The following ABCA1 variants were observed in gnomAD, a reference collection of about 807,000 sequenced individuals.
ABCA1 encodes the protein ATP binding cassette subfamily A member 1.
A neutral mutation model predicts 262.5 loss-of-function variants in ABCA1; 133 were observed. That is an observed-to-expected ratio of 0.51 (90% CI 0.44 to 0.59). The LOEUF (loss-of-function observed/expected upper bound fraction) is 0.59, where lower values mean the gene tolerates loss of function less well. Ranked by LOEUF, ABCA1 falls within the 20% of genes least tolerant of loss-of-function variation. ABCA1 has a pLI of 0.00. For missense variants in ABCA1, 2,452 were observed against 2,777.5 expected, an observed-to-expected ratio of 0.88 and a Z score of 2.63; for synonymous variants, 1,022 against 1,043.5, an observed-to-expected ratio of 0.98 and a Z score of 0.40.
intron 5 of ABCA1, among the ~76,000 whole-genome samples, chr9:104,876,422 T>C (rs1270589453): frequency 1.3e-5 from 2 of 152,084 alleles, no homozygotes; most frequent in Admixed American, 1.3e-4. Context: ...TCCCAACCAC[T>C]GCAAGGAGGT....
At position 104,817,799 on chromosome 9, in the gene ABCA1, G is replaced by A. The variant is rs375024801; in HGVS notation, c.3463-395C>T. On this transcript the variant is annotated intron_variant, in intron 23 of 49. Transcript: ENST00000374736. The surrounding 1 kb of genome is among the most constrained non-coding windows in gnomAD (Gnocchi z 4.7). Reference sequence around the variant, plus strand: ...AAAATGCACAGATTCTGATTCGGTAGGTCTGAGCTGGGCCCAGGTTGCTGA... The same window carrying A: ...AAAATGCACAGATTCTGATTCGGTAAGTCTGAGCTGGGCCCAGGTTGCTGA... Among the ~76,000 whole-genome samples the A allele has an allele frequency of 6.6e-6, 1 of 152,208 alleles. No homozygotes were observed. Among genetic ancestry groups the A allele is most frequent in the African/African-American group, 2.4e-5 (1 of 41,454 alleles).
chr9:104,837,030 G>A lies in ABCA1; in HGVS notation c.1261C>T (p.Pro421Ser). 2 of 1,614,084 alleles carry A rather than the reference G, an allele frequency of 1.2e-6. No individual in the cohort carries two copies. The highest frequency in any genetic ancestry group is 1.7e-6 in the Non-Finnish European group (2 of 1,180,020). Residue 421 changes from proline to serine, a missense_variant, in exon 11 of 50, where the codon CCC becomes TCC. By Grantham distance (74) the Pro-to-Ser change is moderately conservative. Around this residue, in one of 4 missense-constraint regions of ABCA1, gnomAD observed 1,032 missense variants for 1,089.7 expected, o/e 0.95. Transcript: ENST00000374736. ...TTCTCCATGAAGGTCCAGATCTTGG[G>A]GCTGAGTTCCTCCCACATGCCTTCC... ...DLEGMWEELS[P>S]KIWTFMENSQ... is the part of the protein sequence containing the mutation.
intron 5 of ABCA1, among the ~76,000 whole-genome samples, chr9:104,863,446 T>A (rs1335097936): frequency 6.6e-6 from 1 of 152,106 alleles, no homozygotes; most frequent in Non-Finnish European, 1.5e-5. Context: ...ACTGAAATCA[T>A]TTACCAGAAG....
intron 30 of ABCA1, among the ~76,000 whole-genome samples, 172 bp downstream of exon 30, chr9:104,809,294 A>G (rs952258151): frequency 3.7e-4 from 56 of 152,284 alleles, no homozygotes; most frequent in Non-Finnish European, 1.6e-4. Context: ...GTTTGTTCCT[A>G]GATAATTTAG....
At chr9:104,869,423 G>A (rs1237267465) in intron 5 of ABCA1, among the ~76,000 whole-genome samples, 1 of 152,166 alleles carries the variant, frequency 6.6e-6, no homozygotes, top group Non-Finnish European at 1.5e-5. Flanking sequence ...AGCTTGTCCA[G>A]CCTTACAAAT....
intron 3 of ABCA1, among the ~76,000 whole-genome samples, chr9:104,885,015 C>A (rs562843611): frequency 6.6e-6 from 1 of 152,176 alleles, no homozygotes; most frequent in Non-Finnish European, 1.5e-5. Flanking sequence ...GTGGGCGGAT[C>A]ACCTGAGGTC....
chr9:104,861,871 G>GA (rs1189119265), intron 5 of ABCA1, 71 bp from the exon 6 acceptor site: 2 of 1,367,872 alleles, frequency 1.5e-6, no homozygotes, highest in South Asian at 1.2e-5. Flanking sequence ...GGCACAATGG[G>GA]ACAGTGGAGA....
rs764020207 is a variant in ABCA1 at position 104,830,964 on chromosome 9, T to C, written c.1853A>G (p.Tyr618Cys). The C allele has an allele frequency of 4.3e-6, 7 of 1,613,792 alleles. No individual in the cohort carries two copies. The highest frequency in any genetic ancestry group is 1.1e-5 in the South Asian group (1 of 91,044). Residue 618 changes from tyrosine to cysteine, a missense_variant, in exon 14 of 50, where the codon TAT becomes TGT. Around this residue, in one of 4 missense-constraint regions of ABCA1, gnomAD observed 1,032 missense variants for 1,089.7 expected, o/e 0.95. Transcript: ENST00000374736. Reference sequence around the variant, plus strand: ...ACAGGGATAGGGCATCTGTTGCATATAGACACCAGTTTTCTTCTCGGTGCC... The same window carrying C: ...ACAGGGATAGGGCATCTGTTGCATACAGACACCAGTTTTCTTCTCGGTGCC... ...LTGTEKKTGV[Y>C]MQQMPYPCYV...
Position 104,790,957 on chromosome 9 carries a change from A to G in ABCA1, c.5892T>C (p.Thr1964=), listed in dbSNP as rs1463583239. 6.2e-7 allele frequency: 1 copy of G among 1,613,820 alleles called. No homozygotes were observed. Residue 1964 remains threonine (T), a synonymous_variant, in exon 44 of 50, where the codon ACT becomes ACC. Transcript: ENST00000374736. ...TAAGGAAAGCATCTCCTCTGGTAACAGTGGTATCTCCTGTTAACATCTTGA... is the reference window on the plus strand; with the variant it reads ...TAAGGAAAGCATCTCCTCTGGTAACGGTGGTATCTCCTGTTAACATCTTGA... The part of the protein sequence containing the change: ...STFKMLTGDT[T]VTRGDAFLNK...
At chr9:104,845,614 C>T in intron 7 of ABCA1, 45 bp from the exon 8 acceptor site, 1 of 1,302,052 alleles carries the variant, frequency 7.7e-7, no homozygotes, top group Non-Finnish European at 1.1e-6. Context: ...AAATGTAAAC[C>T]TGAAATCTCT....
chr9:104,846,649 C>A (rs1003716149), intron 7 of ABCA1, among the ~76,000 whole-genome samples: 2 of 152,178 alleles, frequency 1.3e-5, no homozygotes, highest in African/African-American at 4.8e-5. Flanking sequence ...CAAGCATAAT[C>A]CTCAATGTGC....
At chr9:104,861,561 A>C (rs1836388062) in intron 6 of ABCA1, 118 bp downstream of exon 6, 1 of 1,432,256 alleles carries the variant, frequency 7.0e-7, no homozygotes, top group Non-Finnish European at 9.8e-7. Context: ...GTTGTATTCA[A>C]ACTACCTCCC....
intron 3 of ABCA1, 22 bp from the exon 4 acceptor site, chr9:104,884,590 A>G: frequency 6.2e-7 from 1 of 1,614,096 alleles, no homozygotes; most frequent in Non-Finnish European, 8.5e-7. Context: ...GAGGAGTAGA[A>G]AAACACAGGG....
intron 7 of ABCA1, among the ~76,000 whole-genome samples, chr9:104,857,898 C>T (rs1835986681): frequency 6.6e-6 from 1 of 152,130 alleles, no homozygotes; most frequent in African/African-American, 2.4e-5. Flanking sequence ...TGTTCTGGAA[C>T]TATATAAAAC....
chr9:104,824,123 G>A (rs1331128257), intron 18 of ABCA1, among the ~76,000 whole-genome samples: 1 of 152,208 alleles, frequency 6.6e-6, no homozygotes, highest in East Asian at 1.9e-4. Context: ...AGGCAGCGAG[G>A]CTATGGTTCC....
At chr9:104,877,206 G>A (rs1838238717) in intron 5 of ABCA1, among the ~76,000 whole-genome samples, 1 of 152,202 alleles carries the variant, frequency 6.6e-6, no homozygotes, top group Admixed American at 6.5e-5. Context: ...CGTAGGCTCT[G>A]TTGACCTGGG....
At position 104,805,931 on chromosome 9, in the gene ABCA1, C is replaced by A. The variant is rs563879394; in HGVS notation, c.4464+310G>T. On this transcript the variant is annotated intron_variant, in intron 31 of 49. Coordinates refer to ENST00000374736, the MANE Select transcript of ABCA1 (RefSeq NM_005502.4). ...ACCAGCCTAGCCAACACGGCGAAAC[C>A]CTATCTCTACTAAAAACACAAAAAT... Among the ~76,000 whole-genome samples the A allele has an allele frequency of 7.4e-4, 113 of 152,268 alleles. No individual in the cohort carries two copies. In the Middle Eastern group the frequency reaches 0.01, roughly 14 times the overall value.
At chr9:104,789,820 G>A (rs889909318) in intron 44 of ABCA1, among the ~76,000 whole-genome samples, 9 of 152,102 alleles carry the variant, frequency 5.9e-5, no homozygotes, top group African/African-American at 1.7e-4. Context: ...GAAGCCGGGC[G>A]CAGTGGCTCA....
At position 104,792,766 on chromosome 9, in the gene ABCA1, T is replaced by C. The variant is rs1328771242; in HGVS notation, c.5757+20A>G. The stretch of plus-strand genomic sequence containing the variant: ...CTGAAAAAAACTGAAGATGAGCTAT[T>C]GTAACCTGTACTCTCTCACCTTCGT... On this transcript the variant is annotated intron_variant, in intron 42 of 49. Transcript: ENST00000374736. 1.2e-6 allele frequency: 2 copies of C among 1,613,928 alleles called. No homozygotes were observed. The highest frequency in any genetic ancestry group is 1.7e-6 in the Non-Finnish European group (2 of 1,179,986).
Sources: allele counts gnomAD v4.1 joint callset (sites outside exome capture counted in the v4.1 genomes callset), GRCh38; gene constraint gnomAD v4.1.1; regional missense constraint gnomAD v4.1.1; non-coding constraint Gnocchi (gnomAD v3.1); transcripts MANE v1.5; gene names NCBI Gene and HGNC (gene_info 2026-07-23, HGNC 2026-07-21).